Variants in TTC29 observed in about 807,000 individuals in gnomAD.
The protein encoded by TTC29 is tetratricopeptide repeat domain 29.
A neutral mutation model predicts 58.1 loss-of-function variants in TTC29; 49 were observed. The ratio of observed to expected loss-of-function variants is 0.84; its 90% CI spans 0.67 to 1.07. TTC29 has a LOEUF of 1.07. TTC29 is among the 50% of genes least tolerant of loss of function. The pLI is 0.00. For missense variants in TTC29, 582 were observed against 555.6 expected (o/e 1.05, Z -0.48); for synonymous variants, 209 against 196.8 (o/e 1.06, Z -0.52).
At chr4:146,746,711 C>A (rs1745575947) in intron 11 of TTC29, among the ~76,000 whole-genome samples, 1 of 152,022 alleles carries the variant, frequency 6.6e-6, no homozygotes. Context: ...GGGAACAGTT[C>A]CTCACTTCTC....
intron 5 of TTC29, among the ~76,000 whole-genome samples, chr4:146,908,052 A>C (rs573634658): frequency 1.3e-5 from 2 of 152,236 alleles, no homozygotes; most frequent in African/African-American, 4.8e-5. Context: ...GATGGGAAAT[A>C]TGTATTGGCT....
chr4:146,882,090 G>T (rs1436228441), intron 6 of TTC29, among the ~76,000 whole-genome samples: 1 of 152,036 alleles, frequency 6.6e-6, no homozygotes, highest in East Asian at 1.9e-4. Context: ...CTCACCCAGG[G>T]TTTTATTACT....
intron 7 of TTC29, among the ~76,000 whole-genome samples, chr4:146,873,180 T>C (rs1731045924): frequency 6.6e-6 from 1 of 152,152 alleles, no homozygotes; most frequent in African/African-American, 2.4e-5. Context: ...GTGAGGGGCA[T>C]GCTTTATTCA....
At position 146,917,617 on chromosome 4, in the gene TTC29, A is replaced by ACATTATATATAATTTATATAATATC. The variant is rs1250048875; in HGVS notation, c.177-8369_177-8368insGATATTATATAAATTATATATAATG. Among the ~76,000 whole-genome samples the ACATTATATATAATTTATATAATATC allele has an allele frequency of 5.6e-5, 8 of 143,152 alleles. No homozygotes were observed. The Admixed American group carries it at 5.6e-4, about 10-fold the overall frequency. The allele number at this position is 143,152 out of a possible 152,430, so 93.9% of individuals were successfully genotyped here. On this transcript the variant is annotated intron_variant, in intron 4 of 12. Transcript: ENST00000325106. ...ATACATTATATATTATTTATAATAT[A>ACATTATATATAATTTATATAATATC]TAATTAGATATTATATAAATTATAT...
chr4:146,944,844 A>C (rs1736775882), intron 2 of TTC29, among the ~76,000 whole-genome samples, 187 bp downstream of exon 2: 1 of 152,130 alleles, frequency 6.6e-6, no homozygotes, highest in Non-Finnish European at 1.5e-5. Context: ...GTTTATAAAG[A>C]GTCAGTAATA....
chr4:146,848,757 C>T (rs899238974), intron 8 of TTC29, among the ~76,000 whole-genome samples: 1 of 152,208 alleles, frequency 6.6e-6, no homozygotes, highest in Non-Finnish European at 1.5e-5. Flanking sequence ...TTAGCCCTGC[C>T]ATTCTCCCAG....
intron 9 of TTC29, among the ~76,000 whole-genome samples, chr4:146,822,056 C>T (rs554877188): frequency 3.4e-5 from 5 of 145,842 alleles, no homozygotes; most frequent in Admixed American, 7.0e-5. Flanking sequence ...TTCTAAAGAC[C>T]GAACCCACCT....
At chr4:146,936,888 G>A (rs943585642) in intron 4 of TTC29, among the ~76,000 whole-genome samples, 3 of 151,900 alleles carry the variant, frequency 2.0e-5, no homozygotes, top group Non-Finnish European at 2.9e-5. Flanking sequence ...CATAAGATAC[G>A]TGTAAATTTA....
chr4:146,903,401 T>C, intron 6 of TTC29, 143 bp downstream of exon 6: 1 of 651,172 alleles, frequency 1.5e-6, no homozygotes, highest in South Asian at 3.2e-5. Flanking sequence ...ACAAGTCACA[T>C]GGTTTTGCTT....
chr4:146,796,413 C>T (rs751853429), intron 11 of TTC29, among the ~76,000 whole-genome samples: 32 of 152,112 alleles, frequency 2.1e-4, no homozygotes, highest in Non-Finnish European at 3.8e-4. Flanking sequence ...CCCCAATTTT[C>T]AAATGAGAAA....
intron 10 of TTC29, among the ~76,000 whole-genome samples, chr4:146,805,230 G>A (rs1032290185): frequency 8.5e-5 from 13 of 152,120 alleles, no homozygotes; most frequent in African/African-American, 3.1e-4. Flanking sequence ...GCCATCCGAA[G>A]ATTACCAACA....
At chr4:146,916,314 T>G (rs1271355029) in intron 4 of TTC29, among the ~76,000 whole-genome samples, 5 of 151,650 alleles carry the variant, frequency 3.3e-5, no homozygotes, top group Non-Finnish European at 7.4e-5. Context: ...CAATATAGCA[T>G]TTTCCTAGCC....
At chr4:146,794,407 C>T (rs532838508) in intron 11 of TTC29, among the ~76,000 whole-genome samples, 10 of 152,238 alleles carry the variant, frequency 6.6e-5, no homozygotes, top group Admixed American at 4.6e-4. Context: ...AATGTGATAG[C>T]TTCCTCTTGC....
At chr4:146,904,717 C>A (rs1733406164) in intron 5 of TTC29, among the ~76,000 whole-genome samples, 1 of 152,124 alleles carries the variant, frequency 6.6e-6, no homozygotes, top group Non-Finnish European at 1.5e-5. Context: ...TATTAGAATT[C>A]ACTGATATTA....
intron 7 of TTC29, among the ~76,000 whole-genome samples, chr4:146,869,349 A>G (rs1730781831): frequency 6.6e-6 from 1 of 152,168 alleles, no homozygotes; most frequent in African/African-American, 2.4e-5. Flanking sequence ...TGCCAGTGAC[A>G]GTATTTTTTT....
intron 11 of TTC29, among the ~76,000 whole-genome samples, chr4:146,736,979 A>G (rs771030823): frequency 6.6e-6 from 1 of 152,170 alleles, no homozygotes; most frequent in Non-Finnish European, 1.5e-5. Context: ...AAGAGGAACT[A>G]CTTGGTTTAC....
chr4:146,871,724 C>T (rs572813260), intron 7 of TTC29, among the ~76,000 whole-genome samples: 8 of 151,396 alleles, frequency 5.3e-5, no homozygotes, highest in African/African-American at 9.7e-5. Flanking sequence ...TATACACTGA[C>T]AACTATAAAA....
intron 10 of TTC29, among the ~76,000 whole-genome samples, chr4:146,812,077 C>T (rs1055460317): frequency 1.3e-5 from 2 of 151,686 alleles, no homozygotes; most frequent in African/African-American, 4.8e-5. Flanking sequence ...TATTTGTATG[C>T]CAATGAAGTA....
chr4:146,914,891 G>A (rs1734120131), intron 4 of TTC29, among the ~76,000 whole-genome samples: 1 of 152,104 alleles, frequency 6.6e-6, no homozygotes, highest in South Asian at 2.1e-4. Context: ...TCCACAGCAG[G>A]TGAATATATA....
Sources: gnomAD v4.1 joint callset for allele counts (sites outside exome capture counted in the v4.1 genomes callset) on GRCh38, gnomAD v4.1.1 for gene constraint, MANE v1.5 for transcripts, NCBI Gene and HGNC (gene_info 2026-07-23, HGNC 2026-07-21) for gene names.